The following ETS1 variants were observed in gnomAD, a reference collection of about 807,000 sequenced individuals.
ETS1 encodes the protein protein C-ets-1.
In ETS1, 15 loss-of-function variants were observed where a neutral mutation model predicts 58.6. That is an observed-to-expected ratio of 0.26 (90% CI 0.17 to 0.39). ETS1 has a LOEUF of 0.39. ETS1 is among the 10% of genes least tolerant of loss of function. The probability of loss-of-function intolerance (pLI) is 1.00; values close to 1 mark genes in which losing one functional copy is unlikely to be tolerated. For missense variants in ETS1, 417 were observed against 610.5 expected, an observed-to-expected ratio of 0.68 and a Z score of 3.34; for synonymous variants, 214 against 218.2, an observed-to-expected ratio of 0.98 and a Z score of 0.17.
At chr11:128,497,007 G>A (rs997590195) in intron 3 of ETS1, among the ~76,000 whole-genome samples, 5 of 152,078 alleles carry the variant, frequency 3.3e-5, no homozygotes, top group Non-Finnish European at 5.9e-5. Flanking sequence ...CAACCAAACC[G>A]TCTATTATTG....
At chr11:128,575,198 G>T (rs1216463609) in intron 1 of ETS1, among the ~76,000 whole-genome samples, 1 of 152,128 alleles carries the variant, frequency 6.6e-6, no homozygotes, top group Admixed American at 6.5e-5. Context: ...ACACACCTAT[G>T]ATAAAGTTTA....
chr11:128,575,224 G>A (rs966642636), intron 1 of ETS1, among the ~76,000 whole-genome samples: 32 of 152,140 alleles, frequency 2.1e-4, no homozygotes, highest in African/African-American at 9.7e-5. Context: ...TACATTAGAC[G>A]CAGTAAGAGA....
intron 7 of ETS1, among the ~76,000 whole-genome samples, chr11:128,482,904 T>C (rs1862528570): frequency 6.6e-6 from 1 of 152,144 alleles, no homozygotes; most frequent in Non-Finnish European, 1.5e-5. Flanking sequence ...AGTAGACTCG[T>C]ACAAAGACAG....
intron 8 of ETS1, among the ~76,000 whole-genome samples, chr11:128,477,451 G>T (rs1862352753): frequency 6.6e-6 from 1 of 152,166 alleles, no homozygotes; most frequent in South Asian, 2.1e-4. Flanking sequence ...AGGCACTCTA[G>T]TGACTGCCTC....
chr11:128,490,753 C>T (rs1862775982), intron 3 of ETS1, among the ~76,000 whole-genome samples, 177 bp from the exon 4 acceptor site: 1 of 136,192 alleles, frequency 7.3e-6, no homozygotes. Context: ...GAGTCTTGCT[C>T]TGTCACCCAG....
intron 3 of ETS1, among the ~76,000 whole-genome samples, chr11:128,542,293 C>A (rs2135543473): frequency 6.6e-6 from 1 of 152,232 alleles, no homozygotes; most frequent in Non-Finnish European, 1.5e-5. Flanking sequence ...GACTTCTCTT[C>A]TTCCACCAAA....
rs1565405280 is a variant in ETS1, at chr11:128,548,152, GAAGGA to G, written c.214+8134_214+8138del. 1.8e-4 allele frequency among the ~76,000 whole-genome samples: 17 copies of G among 95,812 alleles called. 1 individual carries two copies. The East Asian group carries it at 1.9e-3, about 11-fold the overall frequency. 62.9% of individuals were successfully genotyped at this position (95,812 alleles called of 152,430 possible). A position where few individuals can be genotyped will look rare whatever the true frequency, so the allele number is the denominator to read the frequency against. On this transcript the variant is annotated intron_variant, in intron 3 of 9. Transcript: ENST00000392668. ...AAAGGAAAGGGAAGGGAAGGGAAGG[GAAGGA>G]AAGGAAAAAGAAGAGAGAGAAAAAG...
intron 2 of ETS1, among the ~76,000 whole-genome samples, chr11:128,562,195 G>A (rs1248776380): frequency 6.6e-6 from 1 of 152,192 alleles, no homozygotes; most frequent in Non-Finnish European, 1.5e-5. Flanking sequence ...CAGATCACAA[G>A]GTCAGGAGTT....
At chr11:128,538,111 G>A (rs1222381678) in intron 3 of ETS1, among the ~76,000 whole-genome samples, 4 of 151,728 alleles carry the variant, frequency 2.6e-5, no homozygotes, top group Non-Finnish European at 4.4e-5. Context: ...GAAACTTACC[G>A]AAGAAAATAC....
chr11:128,535,331 T>C (rs1156572302), intron 3 of ETS1, among the ~76,000 whole-genome samples: 1 of 152,198 alleles, frequency 6.6e-6, no homozygotes, highest in Non-Finnish European at 1.5e-5. Flanking sequence ...ATATTAGACC[T>C]TTGTCAAATG....
At chr11:128,462,913 T>C (rs1026209357) in intron 9 of ETS1, among the ~76,000 whole-genome samples, 6 of 152,238 alleles carry the variant, frequency 3.9e-5, no homozygotes, top group Admixed American at 1.3e-4. Context: ...AAAATCTCCT[T>C]GCTTTGCAAG....
intron 8 of ETS1, among the ~76,000 whole-genome samples, chr11:128,472,437 C>T (rs1181277074): frequency 2.6e-5 from 4 of 152,220 alleles, no homozygotes; most frequent in Admixed American, 1.3e-4. Context: ...AGAAGCCCAT[C>T]ACGGACTACT....
At chr11:128,532,752 T>C (rs1863917891) in intron 3 of ETS1, among the ~76,000 whole-genome samples, 1 of 152,128 alleles carries the variant, frequency 6.6e-6, no homozygotes, top group South Asian at 2.1e-4. Flanking sequence ...CAGAGCAGCC[T>C]TGAATAGCTC....
rs146471308 is a variant in ETS1, at chr11:128,565,354, C to G, written c.69+7708G>C. Among the ~76,000 whole-genome samples the G allele has an allele frequency of 9.9e-4, 151 of 152,312 alleles. 1 individual carries two copies. The highest frequency in any genetic ancestry group is 3.4e-3 in the African/African-American group (141 of 41,578). ...GGACTCTCACCAGACACAGAGACTG[C>G]CAATGCCTTGATCTTGAACATTCCA... On this transcript the variant is annotated intron_variant, in intron 2 of 9. Coordinates refer to ENST00000392668, the MANE Select transcript of ETS1 (RefSeq NM_001143820.2).
In ETS1 at chr11:128,470,576, G is replaced by C. The variant is rs138068699; in HGVS notation, c.1124-6949C>G. 2.9e-3 allele frequency among the ~76,000 whole-genome samples: 434 copies of C among 152,154 alleles called. 4 individuals carry two copies. The highest frequency in any genetic ancestry group is 7.0e-3 in the African/African-American group (289 of 41,516). ...GAGAGAGAGAAAGACACTTAAAGAG[G>C]TGAACAATTTAGGAGCAACTGAATA... On this transcript the variant is annotated intron_variant, in intron 8 of 9. Transcript: ENST00000392668.
intron 7 of ETS1, among the ~76,000 whole-genome samples, chr11:128,482,924 C>T (rs1281257564): frequency 3.9e-5 from 6 of 152,152 alleles, no homozygotes; most frequent in African/African-American, 1.4e-4. Context: ...GTCCTTAGGG[C>T]CCAAATAAGT....
At chr11:128,506,036 A>G (rs1863221162) in intron 3 of ETS1, among the ~76,000 whole-genome samples, 1 of 152,140 alleles carries the variant, frequency 6.6e-6, no homozygotes, top group Non-Finnish European at 1.5e-5. Context: ...GATTGGGGAG[A>G]TGCAGCGCTC....
At chr11:128,514,840 T>C (rs1213479627) in intron 3 of ETS1, among the ~76,000 whole-genome samples, 1 of 152,224 alleles carries the variant, frequency 6.6e-6, no homozygotes, top group Non-Finnish European at 1.5e-5. Context: ...TAACCAGGTG[T>C]AATGCTTGGC....
intron 1 of ETS1, among the ~76,000 whole-genome samples, chr11:128,577,370 C>A (rs1302667214): frequency 1.2e-4 from 18 of 152,208 alleles, no homozygotes; most frequent in African/African-American, 4.3e-4. Flanking sequence ...TTTCCCATCA[C>A]CGCATATGAA....
Sources: allele counts gnomAD v4.1 joint callset (sites outside exome capture counted in the v4.1 genomes callset), GRCh38; gene constraint gnomAD v4.1.1; transcripts MANE v1.5; gene names NCBI Gene and HGNC (gene_info 2026-07-23, HGNC 2026-07-21).